Variants in DCLK1 observed in about 807,000 individuals in gnomAD.
DCLK1 encodes the protein serine/threonine-protein kinase DCLK1.
In DCLK1, 16 loss-of-function variants were observed where a neutral mutation model predicts 86.2. That is an observed-to-expected ratio of 0.19 (90% CI 0.13 to 0.28). The LOEUF is 0.28. DCLK1 is among the 10% of genes least tolerant of loss of function. The pLI is 1.00. For missense variants in DCLK1, 590 were observed against 940.2 expected (o/e 0.63, Z 4.87); for synonymous variants, 369 against 370.5 (o/e 1.00, Z 0.05).
Position 35,771,636 on chromosome 13 carries a change from A to C in DCLK1, c.*2899T>G, listed in dbSNP as rs912719492. On this transcript the variant is annotated 3_prime_UTR_variant, in exon 17 of 17. Coordinates refer to ENST00000360631, the MANE Select transcript of DCLK1 (RefSeq NM_001330071.2). ...GTCTACTATCAAACTGAAAAGATGA[A>C]TCTTAAAATTCCCTTGAAAATACCA... The C allele has an allele frequency of 6.6e-6, 1 of 152,188 alleles. No homozygotes were observed. Among genetic ancestry groups the C allele is most frequent in the South Asian group, 2.1e-4 (1 of 4,822 alleles). The allele number at this position is 152,188 out of a possible 1,614,324, so 9.4% of individuals were successfully genotyped here.
At chr13:36,121,337 C>A (rs1335399018) in intron 2 of DCLK1, among the ~76,000 whole-genome samples, 1 of 152,156 alleles carries the variant, frequency 6.6e-6, no homozygotes, top group Non-Finnish European at 1.5e-5. Context: ...CAGTTACCTG[C>A]AGTCAACTGA....
chr13:36,095,342 A>T (rs192030220), intron 3 of DCLK1, among the ~76,000 whole-genome samples: 1 of 152,082 alleles, frequency 6.6e-6, no homozygotes, highest in East Asian at 1.9e-4. Flanking sequence ...AGTAGCTGGG[A>T]CTATAGGCAT....
intron 4 of DCLK1, among the ~76,000 whole-genome samples, chr13:35,902,166 G>C (rs1874405611): frequency 6.6e-6 from 1 of 152,170 alleles, no homozygotes; most frequent in African/African-American, 2.4e-5. Flanking sequence ...AACTCATAAG[G>C]AAACTAAAGC....
chr13:36,071,870 C>G (rs9546288), intron 3 of DCLK1, among the ~76,000 whole-genome samples: 65,963 of 151,976 alleles, frequency 0.43, 14,316 homozygotes, highest in East Asian at 0.53. Context: ...CACAACAGAA[C>G]TCGAATTTTG....
chr13:35,855,988 T>C (rs902982710), intron 5 of DCLK1: 6 of 468,136 alleles, frequency 1.3e-5, no homozygotes, highest in African/African-American at 2.1e-5. Context: ...AGGATGTTTA[T>C]TGATTTTTCG....
chr13:35,794,861 A>T (rs1400300179), intron 15 of DCLK1, among the ~76,000 whole-genome samples: 2 of 152,124 alleles, frequency 1.3e-5, no homozygotes, highest in Admixed American at 1.3e-4. Context: ...TAGAGTGGGG[A>T]TGCTACTTGG....
chr13:36,103,797 A>C (rs1430678725), intron 3 of DCLK1, among the ~76,000 whole-genome samples: 2 of 152,198 alleles, frequency 1.3e-5, no homozygotes, highest in African/African-American at 2.4e-5. Flanking sequence ...CTCTGCAATA[A>C]TTAGGCCAGA....
At chr13:35,783,887 C>G (rs915411835) in intron 16 of DCLK1, among the ~76,000 whole-genome samples, 1 of 152,092 alleles carries the variant, frequency 6.6e-6, no homozygotes, top group Non-Finnish European at 1.5e-5. Context: ...CGCCCAGCCT[C>G]CAAGACTGTT....
intron 4 of DCLK1, among the ~76,000 whole-genome samples, chr13:35,945,465 C>A (rs1341770686): frequency 6.6e-6 from 1 of 152,096 alleles, no homozygotes; most frequent in African/African-American, 2.4e-5. Context: ...TAGATAGAGA[C>A]CCCAGAGTTT....
chr13:35,869,609 G>GA (rs55937528), intron 5 of DCLK1, among the ~76,000 whole-genome samples: 49,748 of 152,034 alleles, frequency 0.33, 9,010 homozygotes, highest in African/African-American at 0.49. Flanking sequence ...AGAGTCAAAT[G>GA]TTTTCTGCAT....
At chr13:35,782,675 G>A (rs552515407) in intron 16 of DCLK1, among the ~76,000 whole-genome samples, 3 of 152,156 alleles carry the variant, frequency 2.0e-5, no homozygotes, top group Admixed American at 1.3e-4. Flanking sequence ...TCTTCGGAGA[G>A]TTCAATCATT....
At chr13:36,013,620 G>C (rs908459868) in intron 3 of DCLK1, among the ~76,000 whole-genome samples, 6 of 152,148 alleles carry the variant, frequency 3.9e-5, no homozygotes, top group African/African-American at 1.4e-4. Context: ...GAGAACCACT[G>C]CTCTCTTCAA....
intron 3 of DCLK1, among the ~76,000 whole-genome samples, chr13:36,100,675 G>T (rs1477537186): frequency 6.6e-6 from 1 of 152,146 alleles, no homozygotes; most frequent in East Asian, 1.9e-4. Context: ...GCTGGGCATT[G>T]TATGGCTTTT....
chr13:35,980,947 C>T (rs912501743), intron 3 of DCLK1, among the ~76,000 whole-genome samples: 3 of 152,104 alleles, frequency 2.0e-5, no homozygotes, highest in African/African-American at 7.2e-5. Context: ...TGTGAGCCAC[C>T]ATGCCCAGCC....
At chr13:36,008,060 A>G (rs1881069190) in intron 3 of DCLK1, among the ~76,000 whole-genome samples, 2 of 150,606 alleles carry the variant, frequency 1.3e-5, no homozygotes, top group Non-Finnish European at 3.0e-5. Context: ...TTCCAATTAT[A>G]CCTAATTGCA....
chr13:36,078,815 G>A (rs531674487), intron 3 of DCLK1, among the ~76,000 whole-genome samples: 2 of 152,276 alleles, frequency 1.3e-5, no homozygotes, highest in South Asian at 4.1e-4. Flanking sequence ...TTTACGTAAT[G>A]TGAATCATTT....
intron 16 of DCLK1, among the ~76,000 whole-genome samples, chr13:35,776,163 G>A (rs2086421036): frequency 6.6e-6 from 1 of 152,216 alleles, no homozygotes; most frequent in Non-Finnish European, 1.5e-5. Context: ...ATAGTTCTTA[G>A]TCTTAAACCT....
intron 3 of DCLK1, among the ~76,000 whole-genome samples, chr13:36,029,571 T>G (rs1314529830): frequency 1.3e-5 from 2 of 152,150 alleles, no homozygotes. Flanking sequence ...ACAAAGCAAT[T>G]GTGTATTACT....
At chr13:35,892,375 G>A (rs1488501200) in intron 4 of DCLK1, among the ~76,000 whole-genome samples, 1 of 152,150 alleles carries the variant, frequency 6.6e-6, no homozygotes, top group Non-Finnish European at 1.5e-5. Context: ...TCAAAGTCAA[G>A]GTAAGTCGCC....
Sources: allele counts gnomAD v4.1 joint callset (sites outside exome capture counted in the v4.1 genomes callset), GRCh38; gene constraint gnomAD v4.1.1; transcripts MANE v1.5; gene names NCBI Gene and HGNC (gene_info 2026-07-23, HGNC 2026-07-21).